IST1: variants seen among roughly 807,000 people sequenced by gnomAD.
IST1 encodes the protein IST1 factor associated with ESCRT-III.
IST1 carries 23 observed loss-of-function variants against 37.0 expected under a neutral mutation model. The observed-to-expected ratio is 0.62, with a 90% confidence interval of 0.45 to 0.88. The LOEUF (loss-of-function observed/expected upper bound fraction) is 0.88, where lower values mean the gene tolerates loss of function less well. Among genes scored for constraint, IST1 ranks in the 40% least tolerant of loss-of-function variants. The pLI is 0.00. For missense variants in IST1, 488 were observed against 445.4 expected, an observed-to-expected ratio of 1.10 and a Z score of -0.86; for synonymous variants, 180 against 161.7, an observed-to-expected ratio of 1.11 and a Z score of -0.86.
At chr16:71,897,712 G>C (rs1210381252) in intron 1 of IST1, among the ~76,000 whole-genome samples, 1 of 152,090 alleles carries the variant, frequency 6.6e-6, no homozygotes, top group Non-Finnish European at 1.5e-5. Context: ...TTGGGAGGCC[G>C]AGGCGGGTGG....
chr16:71,917,173 A>G (rs199848773), intron 4 of IST1, 39 bp downstream of exon 4: 1 of 1,249,646 alleles, frequency 8.0e-7, no homozygotes, highest in Non-Finnish European at 1.2e-6. Context: ...GTAGCTTTTC[A>G]TATTGTTAGA....
chr16:71,925,808 A>T (rs1413455108), intron 9 of IST1, among the ~76,000 whole-genome samples: 1 of 152,026 alleles, frequency 6.6e-6, no homozygotes, highest in Non-Finnish European at 1.5e-5. Flanking sequence ...TAAAAAACCC[A>T]TCTGAGCTTG....
chr16:71,916,564 A>G lies in IST1; in HGVS notation c.191A>G (p.Tyr64Cys). Reference sequence around the variant, plus strand: ...GTGGAGCACATTATCCGGGAAGACTACCTCGTGGAGGCCATGGAGATCCTG... The same window carrying G: ...GTGGAGCACATTATCCGGGAAGACTGCCTCGTGGAGGCCATGGAGATCCTG... ...IRVEHIIRED[Y>C]LVEAMEILEL... Residue 64 changes from tyrosine to cysteine, a missense_variant, in exon 3 of 10, where the codon TAC (tyrosine) becomes TGC (cysteine). Physicochemically the swap from Tyr to Cys is radical, Grantham distance 194 (BLOSUM62 -2). Coordinates refer to ENST00000378799, the MANE Select transcript of IST1 (RefSeq NM_001270975.2). 1 of 1,613,940 alleles carries G rather than the reference A, an allele frequency of 6.2e-7. No individual in the cohort carries two copies. The highest frequency in any genetic ancestry group is 1.1e-5 in the South Asian group (1 of 91,072).
In IST1 at chr16:71,920,656, C is replaced by T. The variant is rs141807016; in HGVS notation, c.358-83C>T. 207 of 904,452 alleles carry T rather than the reference C, an allele frequency of 2.3e-4. 2 individuals carry two copies. In the Middle Eastern group the frequency reaches 5.3e-3, roughly 23 times the overall value. The allele number at this position is 904,452 out of a possible 1,614,324, so 56.0% of individuals were successfully genotyped here. On this transcript the variant is annotated intron_variant, in intron 4 of 9. Coordinates refer to ENST00000378799, the MANE Select transcript of IST1 (RefSeq NM_001270975.2). ...TGTTTTGGAAATCTTGTAATAGACG[C>T]GTGTTTACTGTTGCCAGGAAGAAGC...
chr16:71,903,690 T>C (rs1248217108), intron 1 of IST1: 2 of 152,208 alleles, frequency 1.3e-5, no homozygotes, highest in Non-Finnish European at 2.9e-5. Flanking sequence ...AGAGCTACCA[T>C]GCCTGGTCCT....
At position 71,924,679 on chromosome 16, in the gene IST1, A is replaced by C. The variant is rs1054424783; in HGVS notation, c.853-90A>C. 7 of 971,880 alleles carry C rather than the reference A, an allele frequency of 7.2e-6. No homozygotes were observed. In the African/African-American group the frequency reaches 1.1e-4, roughly 16 times the overall value. 60.2% of individuals were successfully genotyped at this position (971,880 alleles called of 1,614,324 possible). The stretch of plus-strand genomic sequence containing the variant: ...CAGGCTCTGTTGCATTTGGTGAGCA[A>C]CTTAACTTTTGGAAACACAGGGGCT... On this transcript the variant is annotated intron_variant, in intron 8 of 9. Transcript: ENST00000378799.
chr16:71,897,314 A>G (rs866736494), intron 1 of IST1, among the ~76,000 whole-genome samples: 1 of 151,638 alleles, frequency 6.6e-6, no homozygotes, highest in African/African-American at 2.4e-5. Flanking sequence ...TGTTAGTGTT[A>G]CGTTTTAAAG....
chr16:71,927,829 C>G lies in IST1; in HGVS notation c.*16C>G, dbSNP rs764793747. Reference sequence around the variant, plus strand: ...GAAAACATAGGTCTCTTAAACCAGGCAACTTTCACGTTTTGGGAGTTGAGA... The same window carrying G: ...GAAAACATAGGTCTCTTAAACCAGGGAACTTTCACGTTTTGGGAGTTGAGA... On this transcript the variant is annotated 3_prime_UTR_variant, in exon 10 of 10. Transcript: ENST00000378799. The G allele has an allele frequency of 1.9e-6, 3 of 1,596,812 alleles. No individual in the cohort carries two copies. Among genetic ancestry groups the G allele is most frequent in the Non-Finnish European group, 2.6e-6 (3 of 1,165,972 alleles).
intron 1 of IST1, among the ~76,000 whole-genome samples, chr16:71,907,181 TTC>T (rs1161749973): frequency 7.9e-6 from 1 of 125,812 alleles, no homozygotes; most frequent in Non-Finnish European, 1.6e-5. Flanking sequence ...GCAGTATTTT[TTC>T]TTTCTTTTTT....
At chr16:71,903,635 A>G (rs987579076) in intron 1 of IST1, 4 of 152,196 alleles carry the variant, frequency 2.6e-5, no homozygotes, top group African/African-American at 4.8e-5. Context: ...TTGGCCTCAA[A>G]CGATCCTTCT....
Position 71,930,047 on chromosome 16 carries a change from C to A in IST1, c.*2234C>A. ...AGCATGCTAGTTTATCTTTTAGTTA[C>A]CTACCTTAAGCGACTTTCTTTCTTT... On this transcript the variant is annotated 3_prime_UTR_variant, in exon 10 of 10. Transcript: ENST00000378799. 1 of 1,545,732 alleles carries A rather than the reference C, an allele frequency of 6.5e-7. No individual in the cohort carries two copies. Among genetic ancestry groups the A allele is most frequent in the Non-Finnish European group, 8.7e-7 (1 of 1,144,962 alleles).
At chr16:71,914,284 G>T (rs367978390) in intron 1 of IST1, among the ~76,000 whole-genome samples, 16 of 150,938 alleles carry the variant, frequency 1.1e-4, no homozygotes, top group African/African-American at 3.4e-4. Flanking sequence ...TCAGTCTCCC[G>T]AGTAGCTGGG....
At position 71,928,528 on chromosome 16, in the gene IST1, G is replaced by T. The variant is rs1367270059; in HGVS notation, c.*715G>T. 6.6e-6 allele frequency: 1 copy of T among 152,600 alleles called. No homozygotes were observed. The highest frequency in any genetic ancestry group is 1.5e-5 in the Non-Finnish European group (1 of 68,062). 9.5% of individuals were successfully genotyped at this position (152,600 alleles called of 1,614,324 possible). Reference sequence around the variant, plus strand: ...TTCCCTTGTACCAGAGGGCGGCACCGTGGAAATTCTGTTTTCCCTGTAGCA... The same window carrying T: ...TTCCCTTGTACCAGAGGGCGGCACCTTGGAAATTCTGTTTTCCCTGTAGCA... On this transcript the variant is annotated 3_prime_UTR_variant, in exon 10 of 10. Transcript: ENST00000378799.
chr16:71,927,996 A>G lies in IST1; in HGVS notation c.*183A>G. 1 of 585,088 alleles carries G rather than the reference A, an allele frequency of 1.7e-6. No individual in the cohort carries two copies. The highest frequency in any genetic ancestry group is 3.0e-6 in the Non-Finnish European group (1 of 328,520). 36.2% of individuals were successfully genotyped at this position (585,088 alleles called of 1,614,324 possible). On this transcript the variant is annotated 3_prime_UTR_variant, in exon 10 of 10. Coordinates refer to ENST00000378799, the MANE Select transcript of IST1 (RefSeq NM_001270975.2). ...TTTCCAGTTCTCTGTTGATCCTGAG[A>G]CTAACAATTGGAGACTGAGGCCAGA...
At chr16:71,922,812 T>C in intron 7 of IST1, 132 bp downstream of exon 7, 1 of 726,572 alleles carries the variant, frequency 1.4e-6, no homozygotes. Context: ...TAGCTGGCAG[T>C]CATCTTGTGG....
chr16:71,912,696 A>C (rs747415565), intron 1 of IST1, among the ~76,000 whole-genome samples: 13 of 152,216 alleles, frequency 8.5e-5, no homozygotes, highest in Admixed American at 2.0e-4. Flanking sequence ...ATCGTTGTGC[A>C]ACAGATCTCC....
chr16:71,926,761 G>T (rs1266180530), intron 9 of IST1, among the ~76,000 whole-genome samples: 1 of 152,034 alleles, frequency 6.6e-6, no homozygotes, highest in Non-Finnish European at 1.5e-5. Flanking sequence ...TCCCTCCAGA[G>T]TCAGAGCACT....
At chr16:71,925,750 G>T (rs1283772345) in intron 9 of IST1, among the ~76,000 whole-genome samples, 3 of 152,090 alleles carry the variant, frequency 2.0e-5, no homozygotes, top group Non-Finnish European at 4.4e-5. Context: ...TTGAGGCCAG[G>T]AGTTTGAGAA....
chr16:71,904,850 C>G (rs1212346107), intron 1 of IST1, among the ~76,000 whole-genome samples: 3 of 152,094 alleles, frequency 2.0e-5, no homozygotes, highest in Non-Finnish European at 4.4e-5. Flanking sequence ...CAATATCTGT[C>G]TTTTAATTGT....
Sources: gnomAD v4.1 joint callset for allele counts (sites outside exome capture counted in the v4.1 genomes callset) on GRCh38, gnomAD v4.1.1 for gene constraint, MANE v1.5 for transcripts, NCBI Gene and HGNC (gene_info 2026-07-23, HGNC 2026-07-21) for gene names.